PAK1IP1: variants seen among roughly 807,000 people sequenced by gnomAD.
PAK1IP1 encodes the protein PAK1 interacting protein 1.
Under a neutral mutation model 42.0 loss-of-function variants are expected in PAK1IP1, and 24 were observed. The ratio of observed to expected loss-of-function variants is 0.57; its 90% CI spans 0.41 to 0.80. PAK1IP1 has a LOEUF of 0.80. PAK1IP1 is among the 30% of genes least tolerant of loss of function. The pLI is 0.00. For synonymous variants in PAK1IP1, 154 were observed against 156.7 expected (o/e 0.98, Z 0.13); for missense variants, 411 against 467.9 (o/e 0.88, Z 1.12).
intron 2 of PAK1IP1, 59 bp from the exon 3 acceptor site, chr6:10,702,310 A>T: frequency 7.0e-7 from 1 of 1,432,456 alleles, no homozygotes; most frequent in Non-Finnish European, 9.8e-7. Context: ...CCTTCAAATC[A>T]GAAATGGAGT....
At chr6:10,708,869 G>A in intron 8 of PAK1IP1, 84 bp from the exon 9 acceptor site, 1 of 1,107,322 alleles carries the variant, frequency 9.0e-7, no homozygotes. Flanking sequence ...AGAAAATACA[G>A]GAAGTTTTAA....
At chr6:10,697,703 C>T (rs368373543) in intron 2 of PAK1IP1, among the ~76,000 whole-genome samples, 1 of 151,874 alleles carries the variant, frequency 6.6e-6, no homozygotes, top group Non-Finnish European at 1.5e-5. Context: ...AGGTCAGTAG[C>T]TGGAGACCAG....
chr6:10,707,556 C>A, intron 8 of PAK1IP1, 42 bp downstream of exon 8: 1 of 1,234,540 alleles, frequency 8.1e-7, no homozygotes, highest in Non-Finnish European at 1.2e-6. Flanking sequence ...TAATACAAGT[C>A]TTGCTCATAA....
upstream of PAK1IP1, among the ~76,000 whole-genome samples, chr6:10,693,996 C>A (rs1006521701): frequency 1.3e-5 from 2 of 152,194 alleles, no homozygotes; most frequent in African/African-American, 4.8e-5. Context: ...CTGTGGCTCA[C>A]GCCTGCAATC....
Position 10,709,200 on chromosome 6 carries a change from A to G in PAK1IP1, c.965-38A>G, listed in dbSNP as rs776551294. ...GTGTTTATTTCATTCAAAGGGGAAA[A>G]CAGTCTTTTTTTAAAAGCACTCTCT... On this transcript the variant is annotated intron_variant, in intron 9 of 9. Transcript: ENST00000379568. The G allele has an allele frequency of 2.6e-6, 4 of 1,560,822 alleles. No homozygotes were observed. The South Asian group carries it at 4.7e-5, about 18-fold the overall frequency.
At chr6:10,702,240 CAA>C (rs57502144) in intron 2 of PAK1IP1, 127 bp from the exon 3 acceptor site, 9,785 of 540,750 alleles carry the variant, frequency 0.018, no homozygotes, top group South Asian at 0.023. Context: ...AACCCTGCCT[CAA>C]AAAAAAAAAA....
At chr6:10,699,899 T>C (rs1769972409) in intron 2 of PAK1IP1, among the ~76,000 whole-genome samples, 1 of 152,148 alleles carries the variant, frequency 6.6e-6, no homozygotes, top group South Asian at 2.1e-4. Context: ...AAGTCTAAGA[T>C]TAAGGCACCA....
At chr6:10,695,160 T>C (rs1769765545) in intron 1 of PAK1IP1, 91 bp downstream of exon 1, 3 of 750,360 alleles carry the variant, frequency 4.0e-6, no homozygotes, top group African/African-American at 1.7e-5. Flanking sequence ...TTGGAGCGCC[T>C]GCTGTTCACT....
At chr6:10,692,936 C>T (rs1027186758), upstream of PAK1IP1, among the ~76,000 whole-genome samples, 2 of 152,220 alleles carry the variant, frequency 1.3e-5, no homozygotes, top group East Asian at 3.8e-4. Flanking sequence ...GTGGACAAAG[C>T]TGGCAGATGA....
chr6:10,691,017 T>C (rs1769245194), upstream of PAK1IP1, among the ~76,000 whole-genome samples: 1 of 152,156 alleles, frequency 6.6e-6, no homozygotes, highest in African/African-American at 2.4e-5. Flanking sequence ...TCCTCTCTGT[T>C]AAAGAGAATG....
chr6:10,702,618 T>C lies in PAK1IP1; in HGVS notation c.422T>C (p.Val141Ala), dbSNP rs141357694. 3.1e-6 allele frequency: 5 copies of C among 1,613,280 alleles called. No individual in the cohort carries two copies. The Admixed American group carries it at 6.7e-5, about 22-fold the overall frequency. The part of the protein sequence containing the change: ...IHPSGKLALS[V>A]GTDKTLRTWN... Reference sequence around the variant, plus strand: ...CCATCTGGCAAGTTGGCCCTGTCGGTTGGTACAGATAAAACTTTAAGGTAA... The same window carrying C: ...CCATCTGGCAAGTTGGCCCTGTCGGCTGGTACAGATAAAACTTTAAGGTAA... Residue 141 changes from valine (V) to alanine (A), a missense_variant, in exon 4 of 10, where the codon GTT becomes GCT. Physicochemically the swap from Val to Ala is moderately conservative, Grantham distance 64. Transcript: ENST00000379568.
chr6:10,696,402 GT>G (rs1318797223), intron 1 of PAK1IP1, among the ~76,000 whole-genome samples: 91 of 152,142 alleles, frequency 6.0e-4, no homozygotes, highest in African/African-American at 2.0e-3. Context: ...AGTTTGATGG[GT>G]TTTTTTCTTT....
At chr6:10,704,875 T>C (rs762646582) in intron 7 of PAK1IP1, 31 bp downstream of exon 7, 1 of 1,303,884 alleles carries the variant, frequency 7.7e-7, no homozygotes, top group Admixed American at 1.7e-5. Context: ...TGTATATGTC[T>C]AGTCTTAATA....
chr6:10,693,402 A>G (rs911029470), upstream of PAK1IP1, among the ~76,000 whole-genome samples: 7 of 152,248 alleles, frequency 4.6e-5, no homozygotes, highest in Admixed American at 4.6e-4. Context: ...AACAATAACA[A>G]GGTCTTTTCT....
At chr6:10,694,608 C>CGTT, upstream of PAK1IP1, 4 of 178,120 alleles carry the variant, frequency 2.2e-5, no homozygotes, top group East Asian at 1.6e-4. Context: ...AAGCAACCGG[C>CGTT]CGGAAGTCGG....
At position 10,694,975 on chromosome 6, in the gene PAK1IP1, T is replaced by G. The variant is rs758983576; in HGVS notation, c.-11T>G. On this transcript the variant is annotated 5_prime_UTR_variant, in exon 1 of 10. Transcript: ENST00000379568. ...GAGCCGGGCTGGCGGAAGAGGCACG[T>G]GCGCTGCTGAATGGAGCTGGTCGCT... The G allele has an allele frequency of 1.3e-6, 2 of 1,587,864 alleles. No individual in the cohort carries two copies. Among genetic ancestry groups the G allele is most frequent in the South Asian group, 2.2e-5 (2 of 90,742 alleles).
At position 10,709,010 on chromosome 6, in the gene PAK1IP1, G is replaced by A; in HGVS notation, c.898G>A (p.Gly300Arg). The A allele has an allele frequency of 6.2e-7, 1 of 1,612,462 alleles. No individual in the cohort carries two copies. The highest frequency in any genetic ancestry group is 8.5e-7 in the Non-Finnish European group (1 of 1,178,542). The change falls in exon 9 of 10, where the codon GGA becomes AGA. Residue 300 changes from glycine to arginine, a missense_variant. Gly to Arg is a moderately radical substitution (Grantham distance 125). Transcript: ENST00000379568. Reference protein sequence around the residue: ...INTNARLTCLGVWLDKVADMK... With the variant: ...INTNARLTCLRVWLDKVADMK... ...CACTAATGCCAGGCTGACGTGTCTT[G>A]GAGTGTGGCTAGACAAAGTGGCAGA... is the stretch of plus-strand genomic sequence containing the variant.
Position 10,702,458 on chromosome 6 carries a change from T to C in PAK1IP1, c.337T>C (p.Trp113Arg), listed in dbSNP as rs1306756683. 2 of 1,614,078 alleles carry C rather than the reference T, an allele frequency of 1.2e-6. No homozygotes were observed. Among genetic ancestry groups the C allele is most frequent in the Non-Finnish European group, 1.7e-6 (2 of 1,179,984 alleles). Residue 113 changes from tryptophan to arginine, a missense_variant, in exon 3 of 10, where the codon TGG becomes CGG. By Grantham distance (101) the Trp-to-Arg change is moderately radical. Coordinates refer to ENST00000379568, the MANE Select transcript of PAK1IP1 (RefSeq NM_017906.3). ...GLICIWDAKK[W>R]ECLKSIKAHK... Reference sequence around the variant, plus strand: ...CATCTGTATCTGGGATGCAAAGAAATGGGAATGCCTGAAGTCAATTAAAGC... The same window carrying C: ...CATCTGTATCTGGGATGCAAAGAAACGGGAATGCCTGAAGTCAATTAAAGC...
At chr6:10,707,561 T>A in intron 8 of PAK1IP1, 47 bp downstream of exon 8, 1 of 1,185,902 alleles carries the variant, frequency 8.4e-7, no homozygotes, top group Non-Finnish European at 1.3e-6. Flanking sequence ...CAAGTCTTGC[T>A]CATAAGTGAG....
Sources: gnomAD v4.1 joint callset for allele counts (sites outside exome capture counted in the v4.1 genomes callset) on GRCh38, gnomAD v4.1.1 for gene constraint, MANE v1.5 for transcripts, NCBI Gene and HGNC (gene_info 2026-07-23, HGNC 2026-07-21) for gene names.